CDH12: variants seen among roughly 807,000 people sequenced by gnomAD.
CDH12 encodes cadherin-12.
In CDH12, 41 loss-of-function variants were observed where a neutral mutation model predicts 74.1. That is an observed-to-expected ratio of 0.55 (90% CI 0.43 to 0.72). The LOEUF (loss-of-function observed/expected upper bound fraction) is 0.72, where lower values mean the gene tolerates loss of function less well. Ranked by LOEUF, CDH12 falls within the 30% of genes least tolerant of loss-of-function variation. The pLI is 0.00. For synonymous variants in CDH12, 399 were observed against 355.0 expected (o/e 1.12, Z -1.39); for missense variants, 945 against 977.2 (o/e 0.97, Z 0.44).
At chr5:22,245,377 C>A (rs1019186186) in intron 3 of CDH12, among the ~76,000 whole-genome samples, 1 of 151,872 alleles carries the variant, frequency 6.6e-6, no homozygotes, top group Admixed American at 6.6e-5. Context: ...GTCTATAGAA[C>A]CTCAGGATGG....
Position 22,609,007 on chromosome 5 carries a change from C to T in CDH12, c.-522-103643G>A, listed in dbSNP as rs190726423. Among the ~76,000 whole-genome samples, 647 of 152,234 alleles carry T rather than the reference C, an allele frequency of 4.3e-3. 7 individuals carry two copies. The highest frequency in any genetic ancestry group is 0.015 in the African/African-American group (621 of 41,528). On this transcript the variant is annotated intron_variant, in intron 1 of 14. Coordinates refer to ENST00000382254, the MANE Select transcript of CDH12 (RefSeq NM_004061.5). ...AACCTGGAAGGGCATTGCTACATGA[C>T]CACAATGGATAGCCAGGCCTTCCAA...
intron 4 of CDH12, among the ~76,000 whole-genome samples, chr5:22,126,787 G>T (rs1366675574): frequency 6.6e-6 from 1 of 152,146 alleles, no homozygotes; most frequent in Non-Finnish European, 1.5e-5. Context: ...GCATCAAAAA[G>T]ACTGGTTACA....
chr5:22,703,314 A>AT (rs1049177189), intron 1 of CDH12, among the ~76,000 whole-genome samples: 2 of 151,888 alleles, frequency 1.3e-5, no homozygotes, highest in Non-Finnish European at 2.9e-5. Context: ...CTGAAATATC[A>AT]TTTTTTCTCC....
At chr5:21,870,206 G>A (rs1751544256) in intron 6 of CDH12, among the ~76,000 whole-genome samples, 1 of 152,112 alleles carries the variant, frequency 6.6e-6, no homozygotes, top group East Asian at 1.9e-4. Context: ...TTTGAAAATT[G>A]CCCAGTCTTG....
In CDH12 at chr5:22,039,113, G is replaced by A. The variant is rs569594655; in HGVS notation, c.231+39333C>T. ...GACTTACAGAGTCTGGGATACTGCC[G>A]AGTCCCACTATCGCAGGATCCAGGG... On this transcript the variant is annotated intron_variant, in intron 5 of 14. Transcript: ENST00000382254. Among the ~76,000 whole-genome samples, 13 of 152,164 alleles carry A rather than the reference G, an allele frequency of 8.5e-5. No homozygotes were observed. The South Asian group carries it at 1.7e-3, about 19-fold the overall frequency.
At chr5:22,781,607 T>A (rs1465028074) in intron 1 of CDH12, among the ~76,000 whole-genome samples, 1 of 152,172 alleles carries the variant, frequency 6.6e-6, no homozygotes, top group Non-Finnish European at 1.5e-5. Flanking sequence ...TCAGCAGTAA[T>A]GGGCAGCTTT....
intron 1 of CDH12, among the ~76,000 whole-genome samples, chr5:22,546,169 C>T (rs1738317133): frequency 6.6e-6 from 1 of 152,114 alleles, no homozygotes; most frequent in East Asian, 1.9e-4. Flanking sequence ...TGGTCTTGAA[C>T]TCCTGACCTC....
At chr5:22,316,866 C>T (rs1738655179) in intron 3 of CDH12, among the ~76,000 whole-genome samples, 4 of 152,028 alleles carry the variant, frequency 2.6e-5, no homozygotes, top group Admixed American at 2.0e-4. Context: ...GAATGGGTTA[C>T]ATAATTTATT....
intron 4 of CDH12, among the ~76,000 whole-genome samples, chr5:22,084,401 A>G (rs1161106262): frequency 6.6e-6 from 1 of 152,192 alleles, no homozygotes; most frequent in Non-Finnish European, 1.5e-5. Flanking sequence ...CTTTGGAACA[A>G]GAAAGATCTG....
intron 1 of CDH12, among the ~76,000 whole-genome samples, chr5:22,693,197 T>C (rs2126946424): frequency 6.6e-6 from 1 of 152,316 alleles, no homozygotes; most frequent in Non-Finnish European, 1.5e-5. Flanking sequence ...GAACATGTCT[T>C]ATGACGGTTC....
chr5:21,994,877 G>T (rs1323352454), intron 5 of CDH12, among the ~76,000 whole-genome samples: 1 of 152,154 alleles, frequency 6.6e-6, no homozygotes, highest in East Asian at 1.9e-4. Flanking sequence ...CAATCAGCAG[G>T]ATGTGGGCAG....
chr5:22,617,774 A>T (rs1737763259), intron 1 of CDH12, among the ~76,000 whole-genome samples: 1 of 152,152 alleles, frequency 6.6e-6, no homozygotes, highest in Admixed American at 6.6e-5. Flanking sequence ...GAAGTAACTT[A>T]TTCCAATCCA....
intron 1 of CDH12, among the ~76,000 whole-genome samples, chr5:22,574,951 A>G (rs1440259011): frequency 1.3e-5 from 2 of 152,218 alleles, no homozygotes; most frequent in Admixed American, 6.5e-5. Flanking sequence ...AAAGCACTCA[A>G]TGCAGACTTG....
At chr5:22,649,222 G>C (rs1243906926) in intron 1 of CDH12, among the ~76,000 whole-genome samples, 3 of 151,936 alleles carry the variant, frequency 2.0e-5, no homozygotes, top group Non-Finnish European at 4.4e-5. Context: ...CCAGGCTTGT[G>C]AATACAATAT....
intron 4 of CDH12, among the ~76,000 whole-genome samples, chr5:22,200,330 C>T (rs1340175976): frequency 6.6e-6 from 1 of 151,994 alleles, no homozygotes; most frequent in African/African-American, 2.4e-5. Context: ...AGTGTAGCTC[C>T]CCTATACTAA....
At chr5:21,816,821 G>T in intron 9 of CDH12, 124 bp downstream of exon 9, 1 of 632,776 alleles carries the variant, frequency 1.6e-6, no homozygotes. Context: ...CTCTCACATG[G>T]TTCAAGGGTC....
Position 22,794,824 on chromosome 5 carries a change from C to T in CDH12, c.-523+58234G>A, listed in dbSNP as rs138646493. On this transcript the variant is annotated intron_variant, in intron 1 of 14. Transcript: ENST00000382254. Reference sequence around the variant, plus strand: ...CAGTGGAGAGATCACCCTGGATTATCCTAGTGGACTCCATGGAATCACAAG... The same window carrying T: ...CAGTGGAGAGATCACCCTGGATTATTCTAGTGGACTCCATGGAATCACAAG... Among the ~76,000 whole-genome samples the T allele has an allele frequency of 7.9e-4, 120 of 152,118 alleles. 1 individual carries two copies. The highest frequency in any genetic ancestry group is 3.4e-3 in the Middle Eastern group (1 of 294).
chr5:22,561,980 T>C (rs1739068921), intron 1 of CDH12, among the ~76,000 whole-genome samples: 1 of 152,182 alleles, frequency 6.6e-6, no homozygotes, highest in African/African-American at 2.4e-5. Context: ...CCACAATTTA[T>C]AAGAATATAC....
At chr5:22,576,142 T>C (rs1739777361) in intron 1 of CDH12, among the ~76,000 whole-genome samples, 1 of 152,186 alleles carries the variant, frequency 6.6e-6, no homozygotes, top group Non-Finnish European at 1.5e-5. Context: ...AACCTAAAAG[T>C]TAACGCCTAT....
Sources: allele counts gnomAD v4.1 joint callset (sites outside exome capture counted in the v4.1 genomes callset), GRCh38; gene constraint gnomAD v4.1.1; transcripts MANE v1.5; gene names NCBI Gene and HGNC (gene_info 2026-07-23, HGNC 2026-07-21).